The following COBL variants were observed in gnomAD, a reference collection of about 807,000 sequenced individuals.
The protein encoded by COBL is protein cordon-bleu.
In COBL, 51 loss-of-function variants were observed where a neutral mutation model predicts 98.8. That is an observed-to-expected ratio of 0.52 (90% CI 0.41 to 0.65). The LOEUF is 0.65. COBL is among the 30% of genes least tolerant of loss of function. The probability of loss-of-function intolerance (pLI) is 0.00; values close to 1 mark genes in which losing one functional copy is unlikely to be tolerated. For missense variants in COBL, 1,617 were observed against 1,617.5 expected, an observed-to-expected ratio of 1.00 and a Z score of 0.01; for synonymous variants, 634 against 651.7, an observed-to-expected ratio of 0.97 and a Z score of 0.41.
chr7:51,027,677 T>G, intron 10 of COBL, 35 bp downstream of exon 10: 1 of 1,531,296 alleles, frequency 6.5e-7, no homozygotes, highest in Admixed American at 1.7e-5. Flanking sequence ...AGTGGGCAGG[T>G]GTGGAAGGCC....
chr7:51,244,395 T>A (rs1199381792), intron 1 of COBL, among the ~76,000 whole-genome samples: 1 of 152,236 alleles, frequency 6.6e-6, no homozygotes, highest in Non-Finnish European at 1.5e-5. Context: ...CATGGTTTCT[T>A]GACTTGTTCA....
chr7:51,222,388 C>T (rs1793735362), intron 1 of COBL, among the ~76,000 whole-genome samples: 2 of 152,004 alleles, frequency 1.3e-5, no homozygotes, highest in South Asian at 4.2e-4. Context: ...ATTGTAAGGA[C>T]TAAATATTTA....
In COBL at chr7:51,025,327, C is replaced by T. The variant is rs139118175; in HGVS notation, c.3550G>A (p.Ala1184Thr). The change falls in exon 12 of 13, where the codon GCA becomes ACA. Residue 1184 changes from alanine to threonine, a missense_variant. By Grantham distance (58) the Ala-to-Thr change is moderately conservative (BLOSUM62 0). This residue lies in a region of COBL where 1,304 missense variants were observed against 1,282.0 expected (regional missense o/e 1.02). Transcript: ENST00000265136. ...CTTTCCGAGCCCTGAGCAGAGAGTG[C>T]GGCATCTCGGAAGCTCTGGAGCTCC... ...SEELQSFRDA[A>T]LSAQGSESPL... is the part of the protein sequence containing the mutation. 233 of 1,613,342 alleles carry T rather than the reference C, an allele frequency of 1.4e-4. No homozygotes were observed. In the Middle Eastern group the frequency reaches 1.8e-3, roughly 13 times the overall value.
intron 7 of COBL, chr7:51,083,113 A>G (rs563211102): frequency 2.9e-5 from 42 of 1,432,084 alleles, no homozygotes; most frequent in Admixed American, 2.6e-4. Flanking sequence ...GAAAGCTGAG[A>G]GGCTCCACCA....
At chr7:51,232,208 T>A (rs1794816487) in intron 1 of COBL, among the ~76,000 whole-genome samples, 1 of 152,032 alleles carries the variant, frequency 6.6e-6, no homozygotes, top group South Asian at 2.1e-4. Flanking sequence ...ATGGTCACCT[T>A]CTTCATCATC....
At chr7:51,226,819 C>G (rs1017555391) in intron 1 of COBL, among the ~76,000 whole-genome samples, 11 of 152,188 alleles carry the variant, frequency 7.2e-5, no homozygotes, top group Non-Finnish European at 1.5e-4. Context: ...ATGCCATGAT[C>G]CAGCCACCAT....
chr7:51,218,249 C>G (rs1048799536), intron 2 of COBL, among the ~76,000 whole-genome samples: 2 of 152,126 alleles, frequency 1.3e-5, no homozygotes, highest in Non-Finnish European at 2.9e-5. Flanking sequence ...TAGACTGTCA[C>G]CTGGAATTTT....
Position 51,025,145 on chromosome 7 carries a change from G to A in COBL, c.3732C>T (p.Ala1244=), listed in dbSNP as rs1787408427. Residue 1244 remains alanine (A), a synonymous_variant, in exon 12 of 13, where the codon GCC becomes GCT. Transcript: ENST00000265136. The part of the protein sequence containing the change: ...TADARQALMD[A]IRSGTGAARL... ...TCGCAGCCCCTGTGCCGGAGCGGAT[G>A]GCGTCCATCAAGGCTTGCCTTGCGT... 6.2e-7 allele frequency: 1 copy of A among 1,611,886 alleles called. No individual in the cohort carries two copies. The highest frequency in any genetic ancestry group is 1.1e-5 in the South Asian group (1 of 90,968).
intron 7 of COBL, among the ~76,000 whole-genome samples, chr7:51,048,084 TGAACCTGA>T (rs1789892032): frequency 6.6e-6 from 1 of 152,116 alleles, no homozygotes; most frequent in South Asian, 2.1e-4. Context: ...GAGAATTGCT[TGAACCTGA>T]GAGGCGGAGG....
chr7:51,025,733 G>T lies in COBL; in HGVS notation c.3505-361C>A, dbSNP rs552946799. Among the ~76,000 whole-genome samples the T allele has an allele frequency of 8.5e-5, 13 of 152,308 alleles. No individual in the cohort carries two copies. The South Asian group carries it at 2.7e-3, about 32-fold the overall frequency. On this transcript the variant is annotated intron_variant, in intron 11 of 12. Coordinates refer to ENST00000265136, the MANE Select transcript of COBL (RefSeq NM_015198.5). ...CAGTCTGTCAGATTCTGGTATAGCA[G>T]CCCAAACAGACTAAGGCAGTGACAC...
At chr7:51,164,536 C>T (rs1787110410) in intron 5 of COBL, among the ~76,000 whole-genome samples, 1 of 152,020 alleles carries the variant, frequency 6.6e-6, no homozygotes, top group Non-Finnish European at 1.5e-5. Flanking sequence ...ATCCTTCGGA[C>T]ATAAAGGAGA....
intron 1 of COBL, among the ~76,000 whole-genome samples, chr7:51,282,661 A>G (rs1301796973): frequency 6.6e-6 from 1 of 152,140 alleles, no homozygotes; most frequent in East Asian, 1.9e-4. Flanking sequence ...ATCAACAGGA[A>G]TATAGAAGAA....
chr7:51,071,596 A>C (rs1163100301), intron 7 of COBL: 1 of 152,108 alleles, frequency 6.6e-6, no homozygotes, highest in Admixed American at 6.6e-5. Flanking sequence ...TTTTTAATTG[A>C]GTTTGATATA....
At chr7:51,183,538 T>C (rs1789195865) in intron 5 of COBL, among the ~76,000 whole-genome samples, 1 of 152,186 alleles carries the variant, frequency 6.6e-6, no homozygotes, top group African/African-American at 2.4e-5. Context: ...AATATGACTC[T>C]GAGATGTGTT....
At chr7:51,123,166 A>G (rs1349130910) in intron 6 of COBL, among the ~76,000 whole-genome samples, 1 of 152,216 alleles carries the variant, frequency 6.6e-6, no homozygotes, top group Non-Finnish European at 1.5e-5. Context: ...AGCCAAAACA[A>G]AAGGAAGCAT....
intron 6 of COBL, among the ~76,000 whole-genome samples, chr7:51,104,503 C>T (rs909036707): frequency 6.6e-6 from 1 of 152,210 alleles, no homozygotes; most frequent in Non-Finnish European, 1.5e-5. Flanking sequence ...ATTTCTCCAT[C>T]TGTAAAACGT....
chr7:51,281,119 G>C lies in COBL; in HGVS notation c.41+35474C>G, dbSNP rs150193304. Reference sequence around the variant, plus strand: ...AGTAAGTCTTGGCAAAGAAATAGAAGATATAACGAAGAAACAAAAGAAAAT... The same window carrying C: ...AGTAAGTCTTGGCAAAGAAATAGAACATATAACGAAGAAACAAAAGAAAAT... On this transcript the variant is annotated intron_variant, in intron 1 of 12. Transcript: ENST00000265136. Among the ~76,000 whole-genome samples, 57 of 152,042 alleles carry C rather than the reference G, an allele frequency of 3.7e-4. No individual in the cohort carries two copies. In the East Asian group the frequency reaches 0.01, roughly 27 times the overall value.
intron 6 of COBL, among the ~76,000 whole-genome samples, chr7:51,120,637 A>G (rs573114151): frequency 3.9e-5 from 6 of 152,076 alleles, no homozygotes; most frequent in Non-Finnish European, 8.8e-5. Context: ...TAACTCCCCA[A>G]TTCCCACCCC....
chr7:51,246,108 TTC>T (rs1245430493), intron 1 of COBL, among the ~76,000 whole-genome samples: 1 of 152,202 alleles, frequency 6.6e-6, no homozygotes, highest in Non-Finnish European at 1.5e-5. Flanking sequence ...TATTTCACAC[TTC>T]TTTTTATCAC....
Sources: gnomAD v4.1 joint callset for allele counts (sites outside exome capture counted in the v4.1 genomes callset) on GRCh38, gnomAD v4.1.1 for gene constraint, gnomAD v4.1.1 regional missense constraint, MANE v1.5 for transcripts, NCBI Gene and HGNC (gene_info 2026-07-23, HGNC 2026-07-21) for gene names.